MYH7B: variants seen among roughly 807,000 people sequenced by gnomAD.
MYH7B encodes myosin heavy chain 7B.
In MYH7B, 205 loss-of-function variants were observed where a neutral mutation model predicts 234.5. That is an observed-to-expected ratio of 0.87 (90% CI 0.78 to 0.98). The LOEUF is 0.98. Ranked by LOEUF, MYH7B falls within the 50% of genes least tolerant of loss-of-function variation. The probability of loss-of-function intolerance (pLI) is 0.00; values close to 1 mark genes in which losing one functional copy is unlikely to be tolerated. For synonymous variants in MYH7B, 1,193 were observed against 1,105.0 expected (o/e 1.08, Z -1.58); for missense variants, 2,652 against 2,633.4 (o/e 1.01, Z -0.15).
chr20:34,977,695 C>A lies in MYH7B; in HGVS notation c.-73+15C>A. ...GTGGTGCCGAGGTAGGTGATCAGGG[C>A]TGGGGTTGGAGCCGAAGGGAGGGCA... On this transcript the variant is annotated intron_variant, in intron 4 of 44. Coordinates refer to ENST00000262873, the Ensembl canonical transcript of MYH7B. 1 of 1,056,478 alleles carries A rather than the reference C, an allele frequency of 9.5e-7. No individual in the cohort carries two copies. The highest frequency in any genetic ancestry group is 1.2e-6 in the Non-Finnish European group (1 of 809,028). The allele number at this position is 1,056,478 out of a possible 1,614,324, so 65.4% of individuals were successfully genotyped here.
chr20:34,996,439 G>A (rs1400143302), exon 29 of MYH7B: 55 of 1,613,412 alleles, frequency 3.4e-5, no homozygotes, highest in Non-Finnish European at 4.3e-5. Context: ...CCACCAACAG[G>A]CCCTGGGTGA....
At chr20:34,998,761 G>A (rs774235036) in exon 35 of MYH7B, 9 of 1,612,682 alleles carry the variant, frequency 5.6e-6, no homozygotes, top group Admixed American at 3.3e-5. Context: ...TCTGCGGCAC[G>A]ACTGTGACCT....
At chr20:34,985,942 G>A (rs181713014) in intron 13 of MYH7B, among the ~76,000 whole-genome samples, 158 bp from the exon 14 acceptor site, 13 of 152,268 alleles carry the variant, frequency 8.5e-5, no homozygotes, top group Admixed American at 1.3e-4. Context: ...GTGTGATGAC[G>A]CAGGCACAGG....
intron 38 of MYH7B, 152 bp downstream of exon 38, chr20:35,000,058 C>G (rs1049329960): frequency 5.4e-6 from 5 of 934,392 alleles, no homozygotes; most frequent in South Asian, 3.1e-5. Context: ...TGCTAAAGGA[C>G]TTGCCCAAAG....
rs2425009 is a variant in MYH7B, at chr20:34,991,096, T to C, written c.2158T>C (p.Leu720=). 1,173,092 of 1,611,862 alleles carry C rather than the reference T, an allele frequency of 0.73. 429,391 individuals carry two copies. The highest frequency in any genetic ancestry group is 0.87 in the Admixed American group (52,008 of 59,864). ...CTGCCGCCAAGGGTTCCCCAACAGG[T>C]TGCTCTACACCGACTTCCGGCAGCG... The change falls in exon 24 of 45, where the codon TTG becomes CTG. Residue 720 remains leucine, a synonymous_variant. Coordinates refer to ENST00000262873, the Ensembl canonical transcript of MYH7B.
intron 10 of MYH7B, among the ~76,000 whole-genome samples, chr20:34,983,649 G>A: frequency 6.6e-6 from 1 of 152,196 alleles, no homozygotes. Context: ...AGCCATGGCT[G>A]CAGGAACTTA....
At chr20:34,985,213 G>A (rs2081999480) in intron 13 of MYH7B, 84 bp downstream of exon 13, 5 of 1,343,344 alleles carry the variant, frequency 3.7e-6, no homozygotes, top group African/African-American at 1.4e-5. Context: ...CACGACTTCT[G>A]GGCTCCTGCC....
At chr20:34,973,925 A>ATT (rs34442200) in intron 2 of MYH7B, among the ~76,000 whole-genome samples, 19 of 121,426 alleles carry the variant, frequency 1.6e-4, no homozygotes, top group Non-Finnish European at 2.4e-4. Flanking sequence ...TGCCTGGCTA[A>ATT]TTTTTTTTTT....
At chr20:34,991,070 T>A (rs1211124372) in exon 24 of MYH7B, 1 of 1,613,786 alleles carries the variant, frequency 6.2e-7, no homozygotes, top group Non-Finnish European at 8.5e-7. Flanking sequence ...GGGATCCGGA[T>A]CTGCCGCCAA....
chr20:34,999,330 T>C, exon 36 of MYH7B: 1 of 1,566,902 alleles, frequency 6.4e-7, no homozygotes, highest in Non-Finnish European at 8.7e-7. Flanking sequence ...CACCGAGCTC[T>C]TCCGGCTGCG....
At position 34,995,384 on chromosome 20, in the gene MYH7B, AAGTCC is replaced by A. The variant is rs763365174; in HGVS notation, c.2751_2755del (p.Ser918GlyfsTer12). ...CGAGGAGCGCTGCCACTTGCTGATC[AAGTCC>A]AAGGTGCAGCTGGAGGGGAAGGTGA... On this transcript the variant is annotated frameshift_variant, in exon 28 of 45. Coordinates refer to ENST00000262873, the Ensembl canonical transcript of MYH7B. LOFTEE classifies it high-confidence loss of function. 1 of 1,614,032 alleles carries A rather than the reference AAGTCC, an allele frequency of 6.2e-7. No individual in the cohort carries two copies. The highest frequency in any genetic ancestry group is 1.3e-5 in the African/African-American group (1 of 75,076).
exon 28 of MYH7B, chr20:34,995,435 G>A: frequency 1.2e-6 from 2 of 1,613,742 alleles, no homozygotes; most frequent in Non-Finnish European, 1.7e-6. Flanking sequence ...TGAGCGGCTG[G>A]AGGATGAGGA....
At chr20:34,977,645 G>A in exon 4 of MYH7B, 3 of 1,580,204 alleles carry the variant, frequency 1.9e-6, no homozygotes, top group Non-Finnish European at 1.7e-6. Flanking sequence ...CAATAAAAGG[G>A]GTAGCAGAGC....
chr20:34,967,044 C>T (rs1167988156), intron 2 of MYH7B, among the ~76,000 whole-genome samples: 2 of 151,520 alleles, frequency 1.3e-5, no homozygotes, highest in African/African-American at 2.4e-5. Flanking sequence ...GCCTAGCCAA[C>T]ATAGTGAAAC....
chr20:34,980,097 T>A, intron 7 of MYH7B: 2 of 472,402 alleles, frequency 4.2e-6, no homozygotes, highest in Non-Finnish European at 7.8e-6. Flanking sequence ...GCGTGTGGGC[T>A]GGGGCAGGGC....
intron 19 of MYH7B, among the ~76,000 whole-genome samples, chr20:34,988,984 A>G (rs1388356837): frequency 6.6e-6 from 1 of 151,966 alleles, no homozygotes; most frequent in Non-Finnish European, 1.5e-5. Context: ...TAATTTTTGT[A>G]TTTTTAATAG....
At chr20:35,001,070 C>T (rs372166400) in exon 41 of MYH7B, 24 of 1,613,678 alleles carry the variant, frequency 1.5e-5, no homozygotes, top group South Asian at 5.5e-5. Context: ...CTGGAGCAGA[C>T]GGTGCGCGAG....
chr20:34,982,618 CTCTCT>C, intron 10 of MYH7B, 63 bp downstream of exon 10: 1 of 1,361,182 alleles, frequency 7.3e-7, no homozygotes, highest in Admixed American at 2.5e-5. Flanking sequence ...TTCTTTCTTC[CTCTCT>C]TTTTTTTTTT....
chr20:34,989,876 G>C (rs146138949), exon 20 of MYH7B: 35 of 1,614,084 alleles, frequency 2.2e-5, no homozygotes, highest in Non-Finnish European at 3.0e-5. Flanking sequence ...GACAAGAAGC[G>C]CAAGTACCAG....
Sources: allele counts gnomAD v4.1 joint callset (sites outside exome capture counted in the v4.1 genomes callset), GRCh38; gene constraint gnomAD v4.1.1; transcripts MANE v1.5; gene names NCBI Gene and HGNC (gene_info 2026-07-23, HGNC 2026-07-21).